Variants in CNTLN observed in about 807,000 individuals in gnomAD.
CNTLN encodes the protein centlein, centrosomal protein.
Under a neutral mutation model 180.0 loss-of-function variants are expected in CNTLN, and 212 were observed. The ratio of observed to expected loss-of-function variants is 1.18; its 90% CI spans 1.05 to 1.32. The LOEUF is 1.32. Among genes scored for constraint, CNTLN ranks in the 40% most tolerant of loss-of-function variants. The pLI is 0.00. For synonymous variants in CNTLN, 722 were observed against 563.1 expected (o/e 1.28, Z -3.99); for missense variants, 2,095 against 1,610.9 (o/e 1.30, Z -5.14).
At chr9:17,443,697 T>A (rs377111257) in intron 18 of CNTLN, among the ~76,000 whole-genome samples, 1 of 149,100 alleles carries the variant, frequency 6.7e-6, no homozygotes. Context: ...CTATGGTATA[T>A]TGAAATATTT....
intron 2 of CNTLN, chr9:17,167,998 A>G (rs1820192449): frequency 6.6e-6 from 1 of 152,198 alleles, no homozygotes; most frequent in Admixed American, 6.5e-5. Flanking sequence ...GCAGTCTGAC[A>G]AGATTACACA....
intron 18 of CNTLN, among the ~76,000 whole-genome samples, chr9:17,430,064 T>C (rs975514725): frequency 1.3e-5 from 2 of 152,028 alleles, no homozygotes; most frequent in African/African-American, 4.8e-5. Context: ...TGATTGTTCA[T>C]CTGTCTGAAG....
At chr9:17,158,977 G>A (rs1388597126) in intron 2 of CNTLN, among the ~76,000 whole-genome samples, 3 of 151,866 alleles carry the variant, frequency 2.0e-5, no homozygotes, top group Non-Finnish European at 4.4e-5. Flanking sequence ...GGCATTTATA[G>A]TTATATCCTT....
intron 22 of CNTLN, 35 bp downstream of exon 22, chr9:17,466,153 T>A: frequency 6.5e-7 from 1 of 1,549,452 alleles, no homozygotes; most frequent in South Asian, 1.2e-5. Flanking sequence ...AGATTACAGA[T>A]GGAATATAAT....
intron 2 of CNTLN, among the ~76,000 whole-genome samples, chr9:17,190,931 T>C (rs1821751477): frequency 1.3e-5 from 2 of 152,224 alleles, no homozygotes; most frequent in East Asian, 3.8e-4. Flanking sequence ...GTCATTTATA[T>C]AATGGATCTG....
chr9:17,348,888 T>C (rs908543992), intron 12 of CNTLN, among the ~76,000 whole-genome samples: 1 of 152,128 alleles, frequency 6.6e-6, no homozygotes, highest in Non-Finnish European at 1.5e-5. Flanking sequence ...TTCCCCCTAG[T>C]TGATTATGGC....
intron 15 of CNTLN, among the ~76,000 whole-genome samples, chr9:17,398,519 T>C (rs1406736810): frequency 1.3e-5 from 2 of 152,204 alleles, no homozygotes; most frequent in Admixed American, 6.5e-5. Context: ...AATTCTGGGA[T>C]AGTATGAAAC....
intron 25 of CNTLN, among the ~76,000 whole-genome samples, chr9:17,488,329 A>C (rs1329404836): frequency 6.6e-6 from 1 of 152,140 alleles, no homozygotes; most frequent in Non-Finnish European, 1.5e-5. Context: ...CTTGCTTTTG[A>C]GAACAGAGGC....
chr9:17,457,844 A>G, intron 19 of CNTLN, 129 bp downstream of exon 19: 1 of 540,994 alleles, frequency 1.8e-6, no homozygotes, highest in Non-Finnish European at 2.9e-6. Flanking sequence ...AATTATTAAT[A>G]TTGCCTTCAT....
intron 2 of CNTLN, among the ~76,000 whole-genome samples, chr9:17,180,434 T>G (rs1821053914): frequency 6.6e-6 from 1 of 150,436 alleles, no homozygotes; most frequent in Non-Finnish European, 1.5e-5. Context: ...TTAAGTGACA[T>G]TTATAATAGA....
chr9:17,295,495 C>G (rs543216979), intron 6 of CNTLN, among the ~76,000 whole-genome samples: 2 of 152,274 alleles, frequency 1.3e-5, no homozygotes, highest in Non-Finnish European at 2.9e-5. Context: ...TTTCCTTGCT[C>G]TCTGTGGGTT....
intron 15 of CNTLN, among the ~76,000 whole-genome samples, chr9:17,397,933 G>A (rs1421207239): frequency 6.6e-6 from 1 of 152,038 alleles, no homozygotes; most frequent in Non-Finnish European, 1.5e-5. Context: ...AGAAATTCTT[G>A]CACTAGAGCT....
intron 5 of CNTLN, among the ~76,000 whole-genome samples, chr9:17,261,566 T>C (rs998345872): frequency 1.3e-5 from 2 of 151,450 alleles, no homozygotes; most frequent in Admixed American, 1.3e-4. Context: ...CCTAGGAGAC[T>C]TTTGGTGGAA....
chr9:17,304,804 C>T (rs1229704816), intron 7 of CNTLN, among the ~76,000 whole-genome samples: 2 of 152,070 alleles, frequency 1.3e-5, no homozygotes, highest in Admixed American at 6.6e-5. Flanking sequence ...GATTCCATCT[C>T]ATTCTTATAA....
At chr9:17,418,062 T>G (rs1176651866) in intron 18 of CNTLN, among the ~76,000 whole-genome samples, 2 of 152,056 alleles carry the variant, frequency 1.3e-5, no homozygotes, top group African/African-American at 2.4e-5. Context: ...GGTAAATGTC[T>G]TACTTTTGCT....
chr9:17,290,222 C>T, intron 6 of CNTLN, among the ~76,000 whole-genome samples: 1 of 152,102 alleles, frequency 6.6e-6, no homozygotes, highest in Non-Finnish European at 1.5e-5. Flanking sequence ...AGTTTTCCTT[C>T]TATCAGACAG....
chr9:17,251,806 T>G (rs1358679157), intron 5 of CNTLN, among the ~76,000 whole-genome samples: 1 of 151,918 alleles, frequency 6.6e-6, no homozygotes, highest in African/African-American at 2.4e-5. Context: ...TATAGGAACC[T>G]GAGTGTGCTA....
the CNTLN span, among the ~76,000 whole-genome samples, chr9:17,510,052 ATCCTTTACGG>A: frequency 6.6e-6 from 1 of 152,130 alleles, no homozygotes; most frequent in Non-Finnish European, 1.5e-5. Context: ...AATACAGGTG[ATCCTTTACGG>A]TATCTCTTAG....
At chr9:17,231,151 G>A (rs754943401) in intron 3 of CNTLN, among the ~76,000 whole-genome samples, 1 of 152,096 alleles carries the variant, frequency 6.6e-6, no homozygotes, top group Non-Finnish European at 1.5e-5. Context: ...TGACTGCCAA[G>A]TTCCTTATAT....
Sources: gnomAD v4.1 joint callset for allele counts (sites outside exome capture counted in the v4.1 genomes callset) on GRCh38, gnomAD v4.1.1 for gene constraint, MANE v1.5 for transcripts, NCBI Gene and HGNC (gene_info 2026-07-23, HGNC 2026-07-21) for gene names.